The following SLA2 variants were observed in gnomAD, a reference collection of about 807,000 sequenced individuals.
The protein encoded by SLA2 is Src like adaptor 2.
Under a neutral mutation model 27.3 loss-of-function variants are expected in SLA2, and 22 were observed. The observed-to-expected ratio is 0.81, with a 90% CI of 0.58 to 1.15. SLA2 has a LOEUF of 1.15. SLA2 is among the 50% of genes most tolerant of loss of function. The pLI, the probability that SLA2 is intolerant of heterozygous loss-of-function variation, is 0.00. For synonymous variants in SLA2, 131 were observed against 137.8 expected (o/e 0.95, Z 0.34); for missense variants, 304 against 322.2 (o/e 0.94, Z 0.43).
Position 36,636,407 on chromosome 20 carries a change from G to A in SLA2, c.92-1818C>T, listed in dbSNP as rs866589547. Among the ~76,000 whole-genome samples the A allele has an allele frequency of 2.7e-3, 338 of 124,982 alleles. 6 individuals carry two copies. Among genetic ancestry groups the A allele is most frequent in the African/African-American group, 0.011 (325 of 30,022 alleles). The allele number at this position is 124,982 out of a possible 152,430, so 82.0% of individuals were successfully genotyped here. Reference sequence around the variant, plus strand: ...CTGCAGTCCGCAGTCCAGCCTGGGCGACAGAGCAAGACTCCGTCTCAAAAA... The same window carrying A: ...CTGCAGTCCGCAGTCCAGCCTGGGCAACAGAGCAAGACTCCGTCTCAAAAA... On this transcript the variant is annotated intron_variant, in intron 2 of 7. Coordinates refer to ENST00000262866, the MANE Select transcript of SLA2 (RefSeq NM_032214.4).
Position 36,613,756 on chromosome 20 carries a change from G to GGGGC in SLA2, c.*109_*110insGCCC. On this transcript the variant is annotated 3_prime_UTR_variant, in exon 8 of 8. Coordinates refer to ENST00000262866, the MANE Select transcript of SLA2 (RefSeq NM_032214.4). ...GGTGGGACCCTAGATGCACCTCTGT[G>GGGGC]TCCCACCCTCCCTCCCTGAGTGCAC... The GGGGC allele has an allele frequency of 1.8e-6, 1 of 541,258 alleles. No homozygotes were observed. The highest frequency in any genetic ancestry group is 3.4e-6 in the Non-Finnish European group (1 of 296,398). 33.5% of individuals were successfully genotyped at this position (541,258 alleles called of 1,614,324 possible).
intron 6 of SLA2, chr20:36,614,638 T>C (rs554158107): frequency 1.0e-6 from 1 of 985,440 alleles, no homozygotes; most frequent in East Asian, 1.1e-4. Flanking sequence ...AGACAGTCAC[T>C]GTATGATTTA....
rs149334852 is a variant in SLA2 at position 36,613,952 on chromosome 20, C to A, written c.700G>T (p.Glu234Ter). 5.6e-6 allele frequency: 9 copies of A among 1,614,104 alleles called. 1 individual carries two copies. In the South Asian group the frequency reaches 9.9e-5, roughly 18 times the overall value. Reference protein sequence around the residue: ...LLFSEAATGEESLLSEGLRES... With the variant: ...LLFSEAATGE ...CGGAGACCCTCACTGAGAAGAGACTCCTCCCCTGTGGCAGCTTCAGAAAAC... is the reference window on the plus strand; with the variant it reads ...CGGAGACCCTCACTGAGAAGAGACTACTCCCCTGTGGCAGCTTCAGAAAAC... Residue 234 changes from glutamate to a stop codon, truncating the protein, a stop_gained, in exon 8 of 8, where the codon GAG becomes TAG. Coordinates refer to ENST00000262866, the MANE Select transcript of SLA2 (RefSeq NM_032214.4). LOFTEE classifies it high-confidence loss of function.
chr20:36,620,042 T>C (rs1184842372), intron 5 of SLA2, among the ~76,000 whole-genome samples: 1 of 150,610 alleles, frequency 6.6e-6, no homozygotes, highest in African/African-American at 2.4e-5. Flanking sequence ...CAGAGGCAAT[T>C]ATTATGCCAC....
rs1346061368 is a variant in SLA2, at chr20:36,613,399, C to T, written c.*467G>A. On this transcript the variant is annotated 3_prime_UTR_variant, in exon 8 of 8. Coordinates refer to ENST00000262866, the MANE Select transcript of SLA2 (RefSeq NM_032214.4). ...CCCTTCTAGGCCACAGTCCTACCTT[C>T]TGAGGTATGGTGGTGGTCTCAACGA... is the stretch of plus-strand genomic sequence containing the variant. The T allele has an allele frequency of 6.4e-6, 1 of 155,240 alleles. No homozygotes were observed. The highest frequency in any genetic ancestry group is 1.9e-4 in the East Asian group (1 of 5,236). 9.6% of individuals were successfully genotyped at this position (155,240 alleles called of 1,614,324 possible).
At chr20:36,615,492 G>A (rs935847899) in intron 5 of SLA2, 118 bp from the exon 6 acceptor site, 26 of 1,125,160 alleles carry the variant, frequency 2.3e-5, no homozygotes, top group Non-Finnish European at 3.4e-5. Flanking sequence ...GGAAGTGTCT[G>A]GGGCAGAAGC....
chr20:36,632,729 A>G (rs759780522), intron 4 of SLA2, 31 bp from the exon 5 acceptor site: 43 of 1,587,520 alleles, frequency 2.7e-5, no homozygotes, highest in Non-Finnish European at 3.6e-5. Flanking sequence ...GACAAGGGAC[A>G]GGGTCAGCCT....
chr20:36,614,240 TC>T, intron 7 of SLA2, 64 bp downstream of exon 7: 2 of 1,612,990 alleles, frequency 1.2e-6, no homozygotes, highest in African/African-American at 2.7e-5. Flanking sequence ...GGTTGTGGCT[TC>T]CCAGGGGTGG....
intron 2 of SLA2, among the ~76,000 whole-genome samples, chr20:36,639,842 C>T (rs2039489756): frequency 6.6e-6 from 1 of 150,880 alleles, no homozygotes. Context: ...GCCTTGGAGA[C>T]AGAGTGAGAC....
In SLA2 at chr20:36,613,975, A is replaced by G. The variant is rs1345701654; in HGVS notation, c.677T>C (p.Phe226Ser). 2.5e-6 allele frequency: 4 copies of G among 1,614,074 alleles called. No homozygotes were observed. Among genetic ancestry groups the G allele is most frequent in the Non-Finnish European group, 2.5e-6 (3 of 1,180,000 alleles). ...CTCCTCCCCTGTGGCAGCTTCAGAA[A>G]ACAGGAGGGAGCTGTGGACAAAGGA... ...NWKELDSSLL[F>S]SEAATGEESL... is the part of the protein sequence containing the mutation. The change falls in exon 8 of 8, where the codon TTT becomes TCT. Residue 226 changes from phenylalanine (F) to serine (S), a missense_variant. Physicochemically the swap from Phe to Ser is radical, Grantham distance 155. Coordinates refer to ENST00000262866, the MANE Select transcript of SLA2 (RefSeq NM_032214.4).
intron 5 of SLA2, among the ~76,000 whole-genome samples, chr20:36,619,254 G>A (rs538534201): frequency 1.3e-3 from 186 of 147,884 alleles, no homozygotes; most frequent in Middle Eastern, 3.5e-3. Flanking sequence ...GGCTGGGTGC[G>A]GTGGCTCACA....
chr20:36,636,478 G>A (rs1414615396), intron 2 of SLA2, among the ~76,000 whole-genome samples: 9 of 148,404 alleles, frequency 6.1e-5, no homozygotes, highest in Non-Finnish European at 1.0e-4. Flanking sequence ...GGTGGTGCAC[G>A]CCTGTAGTCC....
At chr20:36,619,344 G>A (rs565844359) in intron 5 of SLA2, among the ~76,000 whole-genome samples, 1 of 150,432 alleles carries the variant, frequency 6.6e-6, no homozygotes, top group South Asian at 2.1e-4. Flanking sequence ...TGGCCAACAT[G>A]GTGAAACCCC....
intron 5 of SLA2, among the ~76,000 whole-genome samples, chr20:36,624,891 G>A (rs779592752): frequency 1.3e-4 from 20 of 152,190 alleles, no homozygotes; most frequent in Non-Finnish European, 2.8e-4. Context: ...ATGAGGAGGT[G>A]ACTTTGGTTC....
At chr20:36,632,445 A>C (rs2039401820) in intron 5 of SLA2, 150 bp downstream of exon 5, 1 of 629,966 alleles carries the variant, frequency 1.6e-6, no homozygotes, top group Non-Finnish European at 2.8e-6. Flanking sequence ...TCATATGGGC[A>C]GGACACGGAG....
At chr20:36,616,078 C>T (rs1029799753) in intron 5 of SLA2, among the ~76,000 whole-genome samples, 3 of 152,082 alleles carry the variant, frequency 2.0e-5, no homozygotes, top group Non-Finnish European at 4.4e-5. Flanking sequence ...CAAAGATAGC[C>T]AACATGACAT....
intron 5 of SLA2, among the ~76,000 whole-genome samples, chr20:36,616,200 C>T (rs1441395583): frequency 1.3e-5 from 2 of 152,026 alleles, no homozygotes; most frequent in Non-Finnish European, 2.9e-5. Context: ...TTTCAGCTGG[C>T]AAGTGGGCGC....
At position 36,613,723 on chromosome 20, in the gene SLA2, A is replaced by G; in HGVS notation, c.*143T>C. On this transcript the variant is annotated 3_prime_UTR_variant, in exon 8 of 8. Coordinates refer to ENST00000262866, the MANE Select transcript of SLA2 (RefSeq NM_032214.4). ...CTAAGGGCTAAGAGAGGAAAGAGCA[A>G]GGGTACAGGTGGGACCCTAGATGCA... The G allele has an allele frequency of 1.0e-6, 1 of 996,942 alleles. No homozygotes were observed. Among genetic ancestry groups the G allele is most frequent in the Non-Finnish European group, 1.5e-6 (1 of 688,620 alleles). 61.8% of individuals were successfully genotyped at this position (996,942 alleles called of 1,614,324 possible). A position where few individuals can be genotyped will look rare whatever the true frequency, so the allele number is the denominator to read the frequency against.
intron 5 of SLA2, among the ~76,000 whole-genome samples, chr20:36,629,837 C>T (rs2039375903): frequency 6.6e-6 from 1 of 151,860 alleles, no homozygotes; most frequent in African/African-American, 2.4e-5. Flanking sequence ...ACCAGGGAGG[C>T]TGAGGCATGA....
Sources: allele counts gnomAD v4.1 joint callset (sites outside exome capture counted in the v4.1 genomes callset), GRCh38; gene constraint gnomAD v4.1.1; transcripts MANE v1.5; gene names NCBI Gene and HGNC (gene_info 2026-07-23, HGNC 2026-07-21).